Variants in XKR9 observed in about 807,000 individuals in gnomAD.
XKR9 encodes the protein XK related 9, also known as XK-related protein 9.
A neutral mutation model predicts 32.0 loss-of-function variants in XKR9; 32 were observed. The ratio of observed to expected loss-of-function variants is 1.00; its 90% confidence interval spans 0.76 to 1.34. The LOEUF (loss-of-function observed/expected upper bound fraction) is 1.34, where lower values mean the gene tolerates loss of function less well. XKR9 is among the 40% of genes most tolerant of loss of function. XKR9 has a pLI of 0.00. For missense variants in XKR9, 546 were observed against 429.7 expected (o/e 1.27, Z -2.39); for synonymous variants, 168 against 143.4 (o/e 1.17, Z -1.22).
At chr8:70,712,797 A>G (rs544454471) in intron 4 of XKR9, among the ~76,000 whole-genome samples, 1 of 152,332 alleles carries the variant, frequency 6.6e-6, no homozygotes, top group Non-Finnish European at 1.5e-5. Flanking sequence ...CTAGACTGAT[A>G]GTACCCCTAC....
the XKR9 span, among the ~76,000 whole-genome samples, chr8:70,819,437 G>C: frequency 6.6e-6 from 1 of 152,180 alleles, no homozygotes; most frequent in African/African-American, 2.4e-5. Flanking sequence ...ATGAGACTGT[G>C]TTTCCACCAA....
At chr8:70,752,968 G>T (rs973161748) in intron 2 of XKR9, among the ~76,000 whole-genome samples, 1 of 152,194 alleles carries the variant, frequency 6.6e-6, no homozygotes, top group Non-Finnish European at 1.5e-5. Context: ...AAAAATTAAT[G>T]AATCCAGGAG....
the XKR9 span, among the ~76,000 whole-genome samples, chr8:71,045,281 T>C: frequency 6.6e-5 from 10 of 152,214 alleles, no homozygotes; most frequent in African/African-American, 2.2e-4. Context: ...CGTGCTTGTC[T>C]GGGAGCTATT....
intron 2 of XKR9, chr8:70,677,900 T>G (rs1818935309): frequency 6.6e-6 from 1 of 152,216 alleles, no homozygotes; most frequent in Non-Finnish European, 1.5e-5. Context: ...AATTTTTTTC[T>G]TAGTAAAGCT....
Position 70,681,335 on chromosome 8 carries a change from G to A in XKR9, c.272+5G>A. The A allele has an allele frequency of 6.2e-7, 1 of 1,607,662 alleles. No individual in the cohort carries two copies. Among genetic ancestry groups the A allele is most frequent in the Non-Finnish European group, 8.5e-7 (1 of 1,177,252 alleles). The stretch of plus-strand genomic sequence containing the variant: ...GCAAGGAGGAGTTTTTACAAGGTGA[G>A]CATACATGTTTAATCATTACCACTG... On this transcript the variant is annotated splice_donor_5th_base_variant and intron_variant, in intron 3 of 4. Coordinates refer to ENST00000408926, the MANE Select transcript of XKR9 (RefSeq NM_001011720.2).
downstream of XKR9, among the ~76,000 whole-genome samples, chr8:70,738,213 A>G (rs62530847): frequency 0.25 from 26,727 of 108,460 alleles, 4,931 homozygotes; most frequent in Middle Eastern, 0.42. Flanking sequence ...TGTATGTGTC[A>G]AGGAATTTAT....
the XKR9 span, among the ~76,000 whole-genome samples, chr8:70,966,511 G>T: frequency 1.3e-5 from 2 of 152,170 alleles, no homozygotes; most frequent in Non-Finnish European, 2.9e-5. Flanking sequence ...TTTTGCATTT[G>T]CTGAGGAGTG....
chr8:70,957,527 C>T, the XKR9 span, among the ~76,000 whole-genome samples: 2 of 152,240 alleles, frequency 1.3e-5, no homozygotes, highest in South Asian at 2.1e-4. Flanking sequence ...CTGATGCTCT[C>T]CTCCTCCCAC....
the XKR9 span, among the ~76,000 whole-genome samples, chr8:71,034,889 C>G: frequency 6.6e-6 from 1 of 152,204 alleles, no homozygotes; most frequent in African/African-American, 2.4e-5. Context: ...GAATATCTAT[C>G]TTTCCAACTT....
At chr8:70,840,010 C>T in the XKR9 span, among the ~76,000 whole-genome samples, 90 of 152,250 alleles carry the variant, frequency 5.9e-4, no homozygotes, top group African/African-American at 2.1e-3. Flanking sequence ...TCCAACTCAG[C>T]GTGTTGTATA....
chr8:70,754,036 C>G (rs540801895), intron 2 of XKR9, among the ~76,000 whole-genome samples: 1 of 146,664 alleles, frequency 6.8e-6, no homozygotes, highest in East Asian at 2.1e-4. Flanking sequence ...AGCCCAAAAT[C>G]TCCTTAAGCT....
At chr8:70,858,935 C>T in the XKR9 span, among the ~76,000 whole-genome samples, 1 of 151,952 alleles carries the variant, frequency 6.6e-6, no homozygotes, top group South Asian at 2.1e-4. Context: ...GTTCCAGGAC[C>T]TTTGTCTGGG....
the XKR9 span, among the ~76,000 whole-genome samples, chr8:70,902,128 C>T: frequency 1.2e-4 from 19 of 152,242 alleles, no homozygotes. Flanking sequence ...ATTGTCTTTG[C>T]TATGTGGGCT....
At chr8:70,709,264 A>G (rs982228792) in intron 4 of XKR9, among the ~76,000 whole-genome samples, 3 of 152,180 alleles carry the variant, frequency 2.0e-5, no homozygotes, top group African/African-American at 4.8e-5. Flanking sequence ...ACAAACCCTC[A>G]ACAAACTAGG....
chr8:70,736,127 T>C (rs1292393110), downstream of XKR9, among the ~76,000 whole-genome samples: 1 of 152,056 alleles, frequency 6.6e-6, no homozygotes, highest in East Asian at 1.9e-4. Flanking sequence ...CAGCACCTGT[T>C]GTTTCCTGAC....
At chr8:70,881,560 A>G in the XKR9 span, among the ~76,000 whole-genome samples, 11,068 of 152,270 alleles carry the variant, frequency 0.073, 475 homozygotes, top group Non-Finnish European at 0.089. Flanking sequence ...CAAAACCACA[A>G]TGAGATAACA....
At chr8:70,997,035 C>T in the XKR9 span, among the ~76,000 whole-genome samples, 252 of 152,306 alleles carry the variant, frequency 1.7e-3, 2 homozygotes, top group African/African-American at 4.8e-3. Flanking sequence ...CAGTGGCTCA[C>T]GCCTGTAATC....
At chr8:70,895,262 T>C in the XKR9 span, among the ~76,000 whole-genome samples, 3 of 152,302 alleles carry the variant, frequency 2.0e-5, no homozygotes, top group African/African-American at 7.2e-5. Flanking sequence ...TCTGTGTGTC[T>C]ATCCCTAGTT....
At chr8:70,683,914 T>C (rs1365551354) in intron 3 of XKR9, among the ~76,000 whole-genome samples, 2 of 152,252 alleles carry the variant, frequency 1.3e-5, no homozygotes, top group Non-Finnish European at 2.9e-5. Flanking sequence ...TTATCTTTCT[T>C]GAGAGATATT....
Sources: gnomAD v4.1 joint callset for allele counts (sites outside exome capture counted in the v4.1 genomes callset) on GRCh38, gnomAD v4.1.1 for gene constraint, MANE v1.5 for transcripts, NCBI Gene and HGNC (gene_info 2026-07-23, HGNC 2026-07-21) for gene names.